Variants in SEPSECS observed in about 807,000 individuals in gnomAD.
SEPSECS encodes the protein O-phosphoseryl-tRNA(Sec) selenium transferase.
Under a neutral mutation model 52.1 loss-of-function variants are expected in SEPSECS, and 42 were observed. The observed-to-expected ratio is 0.81, with a 90% CI of 0.63 to 1.04. The LOEUF (loss-of-function observed/expected upper bound fraction) is 1.04. SEPSECS is among the 50% of genes least tolerant of loss of function. The pLI is 0.00. For synonymous variants in SEPSECS, 216 were observed against 211.4 expected (o/e 1.02, Z -0.19); for missense variants, 590 against 610.6 (o/e 0.97, Z 0.36).
chr4:25,160,550 CAGAT>C (rs1226927530), upstream of SEPSECS: 3 of 529,038 alleles, frequency 5.7e-6, no homozygotes, highest in Admixed American at 1.1e-4. Context: ...CAGACCTTCT[CAGAT>C]GGCGCTCCAG....
At chr4:25,154,604 C>T (rs972954429) in intron 5 of SEPSECS, among the ~76,000 whole-genome samples, 2 of 151,948 alleles carry the variant, frequency 1.3e-5, no homozygotes, top group Non-Finnish European at 2.9e-5. Context: ...TGAAAGTAAA[C>T]AATCCTAATT....
intron 8 of SEPSECS, among the ~76,000 whole-genome samples, chr4:25,136,569 A>G (rs543240864): frequency 6.6e-6 from 1 of 152,304 alleles, no homozygotes; most frequent in Non-Finnish European, 1.5e-5. Flanking sequence ...TAGAGAGGAC[A>G]CAAACAAATG....
At position 25,124,107 on chromosome 4, in the gene SEPSECS, T is replaced by A; in HGVS notation, c.1330A>T (p.Met444Leu). The A allele has an allele frequency of 1.2e-6, 2 of 1,613,858 alleles. No individual in the cohort carries two copies. The highest frequency in any genetic ancestry group is 1.7e-6 in the Non-Finnish European group (2 of 1,179,802). Residue 444 changes from methionine (M) to leucine (L), a missense_variant, in exon 11 of 11, where the codon ATG (methionine) becomes TTG (leucine). Physicochemically the swap from Met to Leu is conservative, Grantham distance 15. Coordinates refer to ENST00000382103, the MANE Select transcript of SEPSECS (RefSeq NM_016955.4). ...LNAASAIGMK[M>L]QDVDLFIKRL... ...TTTATGAACAGGTCCACATCCTGCA[T>A]CTTCATTCCGATGGCTGATGCAGCA... is the stretch of plus-strand genomic sequence containing the variant.
chr4:25,129,711 C>T (rs981126493), intron 8 of SEPSECS, among the ~76,000 whole-genome samples: 11 of 151,888 alleles, frequency 7.2e-5, no homozygotes, highest in African/African-American at 2.2e-4. Context: ...TCCCATACTA[C>T]GAAAGGTGAA....
At chr4:25,150,685 G>A (rs890971532) in intron 6 of SEPSECS, among the ~76,000 whole-genome samples, 9 of 152,106 alleles carry the variant, frequency 5.9e-5, no homozygotes, top group Non-Finnish European at 1.0e-4. Context: ...CAATGAACAT[G>A]GTAAAAAAGC....
chr4:25,160,540 C>T, upstream of SEPSECS: 2 of 548,406 alleles, frequency 3.6e-6, no homozygotes, highest in South Asian at 5.2e-5. Flanking sequence ...TGCACATGCG[C>T]AGACCTTCTC....
Position 25,160,402 on chromosome 4 carries a change from A to T in SEPSECS, c.-33T>A, listed in dbSNP as rs982424821. 4.0e-6 allele frequency: 6 copies of T among 1,517,412 alleles called. No homozygotes were observed. In the African/African-American group the frequency reaches 5.5e-5, roughly 14 times the overall value. The allele number at this position is 1,517,412 out of a possible 1,614,324, so 94.0% of individuals were successfully genotyped here. A position where few individuals can be genotyped will look rare whatever the true frequency, so the allele number is the denominator to read the frequency against. Reference sequence around the variant, plus strand: ...GTGGCGACAGTGGCGAATAAGCGGGAGCACTAGCTCCACACGCCAGACACA... The same window carrying T: ...GTGGCGACAGTGGCGAATAAGCGGGTGCACTAGCTCCACACGCCAGACACA... On this transcript the variant is annotated 5_prime_UTR_variant, in exon 1 of 11. Coordinates refer to ENST00000382103, the MANE Select transcript of SEPSECS (RefSeq NM_016955.4).
rs1454753145 is a variant in SEPSECS, at chr4:25,122,020, C to A, written c.*1911G>T. ...TTTACATTTGCAACAACATTTCAATCCCTTTTTTGACTCTAGAGGTTGCAA... is the reference window on the plus strand; with the variant it reads ...TTTACATTTGCAACAACATTTCAATACCTTTTTTGACTCTAGAGGTTGCAA... On this transcript the variant is annotated 3_prime_UTR_variant, in exon 11 of 11. Coordinates refer to ENST00000382103, the MANE Select transcript of SEPSECS (RefSeq NM_016955.4). 1 of 152,146 alleles carries A rather than the reference C, an allele frequency of 6.6e-6. No homozygotes were observed. Among genetic ancestry groups the A allele is most frequent in the African/African-American group, 2.4e-5 (1 of 41,444 alleles). 9.4% of individuals were successfully genotyped at this position (152,146 alleles called of 1,614,324 possible). A position where few individuals can be genotyped will look rare whatever the true frequency, so the allele number is the denominator to read the frequency against.
At chr4:25,150,129 G>T (rs549474547) in intron 6 of SEPSECS, among the ~76,000 whole-genome samples, 38 of 152,222 alleles carry the variant, frequency 2.5e-4, no homozygotes, top group African/African-American at 7.2e-4. Context: ...GATGATATTA[G>T]TATACTAAAA....
Position 25,131,204 on chromosome 4 carries a change from G to A in SEPSECS, c.1027-3847C>T, listed in dbSNP as rs149101213. The stretch of plus-strand genomic sequence containing the variant: ...AGTCATGAAATCCGACATCTAGCCC[G>A]TCTCTCCCAGAATCCAAAGATGTGC... On this transcript the variant is annotated intron_variant, in intron 8 of 10. Coordinates refer to ENST00000382103, the MANE Select transcript of SEPSECS (RefSeq NM_016955.4). 4.6e-3 allele frequency among the ~76,000 whole-genome samples: 695 copies of A among 152,212 alleles called. 8 individuals carry two copies. Among genetic ancestry groups the A allele is most frequent in the African/African-American group, 0.013 (534 of 41,546 alleles).
At chr4:25,159,315 G>A (rs2109039738) in intron 1 of SEPSECS, among the ~76,000 whole-genome samples, 1 of 152,290 alleles carries the variant, frequency 6.6e-6, no homozygotes, top group East Asian at 1.9e-4. Context: ...TTCGAGAAGT[G>A]ATGATAAATG....
At chr4:25,133,576 T>G (rs1043526035) in intron 8 of SEPSECS, among the ~76,000 whole-genome samples, 1 of 152,140 alleles carries the variant, frequency 6.6e-6, no homozygotes, top group African/African-American at 2.4e-5. Flanking sequence ...GTCAAAATCC[T>G]AAATGTCACA....
At chr4:25,138,204 A>G (rs1263274131) in intron 8 of SEPSECS, among the ~76,000 whole-genome samples, 1 of 152,180 alleles carries the variant, frequency 6.6e-6, no homozygotes, top group Non-Finnish European at 1.5e-5. Context: ...CTGTACATGT[A>G]CCCCAGAACC....
rs756188805 is a variant in SEPSECS at position 25,145,058 on chromosome 4, T to G, written c.880A>C (p.Ile294Leu). ...KNFMVPVGGA[I>L]IAGFNDSFIQ... ...AATGAATCATTAAAGCCAGCAATTA[T>G]AGCACCACCTACTGGAACCATAAAA... The change falls in exon 7 of 11, where the codon ATA becomes CTA. Residue 294 changes from isoleucine to leucine, a missense_variant. Ile to Leu is a conservative substitution (Grantham distance 5). Coordinates refer to ENST00000382103, the MANE Select transcript of SEPSECS (RefSeq NM_016955.4). 15 of 1,613,796 alleles carry G rather than the reference T, an allele frequency of 9.3e-6. No homozygotes were observed. The highest frequency in any genetic ancestry group is 1.3e-5 in the Non-Finnish European group (15 of 1,179,856).
intron 6 of SEPSECS, among the ~76,000 whole-genome samples, chr4:25,148,685 G>T (rs1277529561): frequency 2.0e-5 from 3 of 152,084 alleles, no homozygotes; most frequent in Non-Finnish European, 4.4e-5. Context: ...ACAATGTATT[G>T]TATATTTCAA....
intron 2 of SEPSECS, 103 bp downstream of exon 2, chr4:25,158,850 A>T: frequency 8.3e-7 from 1 of 1,205,014 alleles, no homozygotes; most frequent in Non-Finnish European, 1.2e-6. Flanking sequence ...GAAGTGGTTT[A>T]CAAACTGACA....
At chr4:25,149,681 T>C (rs1560332740) in intron 6 of SEPSECS, among the ~76,000 whole-genome samples, 1 of 152,054 alleles carries the variant, frequency 6.6e-6, no homozygotes, top group Admixed American at 6.6e-5. Context: ...GGAGAGAAGC[T>C]GCTAAAAATT....
chr4:25,155,076 T>G lies in SEPSECS; in HGVS notation c.623A>C (p.Lys208Thr). ...GCAATCAGGCCCAAGTTCCTGGACT[T>G]TAGCCTCCACTGCTTTCAGGTCTGT... ...LRTDLKAVEAKVQELGPDCIL... is the reference protein window; with the variant it reads ...LRTDLKAVEATVQELGPDCIL... Residue 208 changes from lysine to threonine, a missense_variant, in exon 5 of 11, where the codon AAA becomes ACA. Physicochemically the swap from Lys to Thr is moderately conservative, Grantham distance 78 (BLOSUM62 -1). Transcript: ENST00000382103. The G allele has an allele frequency of 6.2e-7, 1 of 1,614,166 alleles. No individual in the cohort carries two copies. The highest frequency in any genetic ancestry group is 8.5e-7 in the Non-Finnish European group (1 of 1,180,010).
chr4:25,135,325 GACT>G (rs77052780), intron 8 of SEPSECS, among the ~76,000 whole-genome samples: 14,150 of 150,810 alleles, frequency 0.094, 828 homozygotes, highest in South Asian at 0.2. Context: ...TTGTTAGCTA[GACT>G]AATAAGAAAA....
Sources: allele counts gnomAD v4.1 joint callset (sites outside exome capture counted in the v4.1 genomes callset), GRCh38; gene constraint gnomAD v4.1.1; transcripts MANE v1.5; gene names NCBI Gene and HGNC (gene_info 2026-07-23, HGNC 2026-07-21).